Variants in BCAS1 observed in about 807,000 individuals in gnomAD.
BCAS1 encodes the protein breast carcinoma-amplified sequence 1.
Under a neutral mutation model 65.4 loss-of-function variants are expected in BCAS1, and 46 were observed. The ratio of observed to expected loss-of-function variants is 0.70; its 90% confidence interval spans 0.55 to 0.90. The LOEUF is 0.90. Ranked by LOEUF, BCAS1 falls within the 40% of genes least tolerant of loss-of-function variation. The pLI is 0.00. For missense variants in BCAS1, 793 were observed against 771.2 expected (o/e 1.03, Z -0.33); for synonymous variants, 298 against 293.5 (o/e 1.02, Z -0.16).
At chr20:53,951,300 C>T (rs759487439) in intron 12 of BCAS1, among the ~76,000 whole-genome samples, 74 of 152,050 alleles carry the variant, frequency 4.9e-4, no homozygotes, top group African/African-American at 1.6e-3. Flanking sequence ...TGGAGAAACC[C>T]GTCTCTACTA....
At chr20:53,998,919 T>C (rs144543316) in intron 4 of BCAS1, among the ~76,000 whole-genome samples, 12 of 152,318 alleles carry the variant, frequency 7.9e-5, no homozygotes, top group African/African-American at 2.6e-4. Context: ...AATATTACAA[T>C]TAACAGTTTC....
At chr20:53,982,613 G>A (rs1276149871) in intron 8 of BCAS1, among the ~76,000 whole-genome samples, 1 of 152,130 alleles carries the variant, frequency 6.6e-6, no homozygotes, top group African/African-American at 2.4e-5. Context: ...ATAAGAAAAT[G>A]TAAGAATTTC....
chr20:54,044,424 C>T (rs936857525), intron 3 of BCAS1, among the ~76,000 whole-genome samples: 1 of 152,208 alleles, frequency 6.6e-6, no homozygotes, highest in Non-Finnish European at 1.5e-5. Context: ...CAGTTAAAAT[C>T]AGACTGTATG....
At chr20:53,962,068 G>A (rs1205696476) in intron 10 of BCAS1, among the ~76,000 whole-genome samples, 1 of 152,226 alleles carries the variant, frequency 6.6e-6, no homozygotes, top group Non-Finnish European at 1.5e-5. Flanking sequence ...CATTGGTAGG[G>A]ACAGGAATTG....
chr20:54,005,684 C>T (rs1431078995), intron 4 of BCAS1, among the ~76,000 whole-genome samples: 1 of 152,098 alleles, frequency 6.6e-6, no homozygotes, highest in East Asian at 1.9e-4. Context: ...TTCCAGTGTG[C>T]ACCAAGGTCA....
chr20:53,992,745 T>A, intron 6 of BCAS1, 99 bp from the exon 7 acceptor site: 1 of 1,159,978 alleles, frequency 8.6e-7, no homozygotes, highest in Non-Finnish European at 1.2e-6. Context: ...CTGTGACAAT[T>A]AACTGTTGGT....
At chr20:54,036,386 T>G (rs1176977418) in intron 3 of BCAS1, among the ~76,000 whole-genome samples, 1 of 151,382 alleles carries the variant, frequency 6.6e-6, no homozygotes, top group Non-Finnish European at 1.5e-5. Flanking sequence ...ATTTTGATTT[T>G]CTTAGTGCAG....
At chr20:54,007,356 T>C (rs1186973169) in intron 4 of BCAS1, among the ~76,000 whole-genome samples, 5 of 152,228 alleles carry the variant, frequency 3.3e-5, no homozygotes, top group Admixed American at 3.3e-4. Context: ...GTGGACCCTA[T>C]GGATCTAGGT....
chr20:54,067,993 A>G lies in BCAS1; in HGVS notation c.-6+2440T>C, dbSNP rs290443. Among the ~76,000 whole-genome samples, 623 of 152,288 alleles carry G rather than the reference A, an allele frequency of 4.1e-3. 3 individuals carry two copies. Among genetic ancestry groups the G allele is most frequent in the African/African-American group, 0.014 (597 of 41,562 alleles). On this transcript the variant is annotated intron_variant, in intron 1 of 12. Coordinates refer to ENST00000688948, the MANE Select transcript of BCAS1 (RefSeq NM_001366298.2). ...AGAACAACCCCGCTTTGCCTGCCCC[A>G]CAGTCCTGCAGCTCCATGTGTGTGC...
chr20:53,945,248 T>C (rs2089274753), intron 12 of BCAS1, among the ~76,000 whole-genome samples: 1 of 152,174 alleles, frequency 6.6e-6, no homozygotes, highest in Admixed American at 6.5e-5. Flanking sequence ...TCTTTATCTT[T>C]AAAATGGAAA....
chr20:53,974,961 C>T (rs2090287150), intron 9 of BCAS1, among the ~76,000 whole-genome samples: 1 of 152,164 alleles, frequency 6.6e-6, no homozygotes. Context: ...GCAAGATGTT[C>T]TCATGCCTGA....
chr20:54,040,150 C>T (rs2091965106), intron 3 of BCAS1, among the ~76,000 whole-genome samples: 1 of 151,414 alleles, frequency 6.6e-6, no homozygotes, highest in Non-Finnish European at 1.5e-5. Flanking sequence ...GTTCAAAAAT[C>T]CTAAACTGGT....
At chr20:54,061,484 G>A (rs542888354) in intron 1 of BCAS1, among the ~76,000 whole-genome samples, 1 of 152,222 alleles carries the variant, frequency 6.6e-6, no homozygotes, top group South Asian at 2.1e-4. Flanking sequence ...AGTGGCTCTC[G>A]GAATAAAAAT....
Position 53,957,952 on chromosome 20 carries a change from A to G in BCAS1, c.1486-455T>C, listed in dbSNP as rs567586975. 9.3e-5 allele frequency among the ~76,000 whole-genome samples: 14 copies of G among 150,458 alleles called. No homozygotes were observed. The East Asian group carries it at 2.5e-3, about 27-fold the overall frequency. On this transcript the variant is annotated intron_variant, in intron 10 of 12. Coordinates refer to ENST00000688948, the MANE Select transcript of BCAS1 (RefSeq NM_001366298.2). ...AATATTTCATTTTCCACCCTTTAGC[A>G]CCCCCTATAGCCAGCAACACCAGTG...
chr20:54,027,806 A>C (rs978245972), intron 4 of BCAS1, among the ~76,000 whole-genome samples: 5 of 151,710 alleles, frequency 3.3e-5, no homozygotes, highest in Non-Finnish European at 7.4e-5. Flanking sequence ...CAAAAAACAA[A>C]AAAAAAACCC....
At chr20:54,001,625 T>C (rs767922383) in intron 4 of BCAS1, among the ~76,000 whole-genome samples, 5 of 152,172 alleles carry the variant, frequency 3.3e-5, no homozygotes, top group Non-Finnish European at 7.3e-5. Context: ...TCTGATGTCC[T>C]ATGATTCTGC....
chr20:53,970,564 T>C (rs901653403), intron 9 of BCAS1, among the ~76,000 whole-genome samples: 3 of 152,244 alleles, frequency 2.0e-5, no homozygotes, highest in Non-Finnish European at 2.9e-5. Context: ...TGAATGGACA[T>C]AATTAAAGTC....
intron 8 of BCAS1, among the ~76,000 whole-genome samples, chr20:53,983,918 C>T (rs1332287003): frequency 6.6e-6 from 1 of 152,124 alleles, no homozygotes; most frequent in Non-Finnish European, 1.5e-5. Flanking sequence ...TGTCTTCCTC[C>T]AATAAATCTC....
rs200309771 is a variant in BCAS1, at chr20:54,028,348, G to A, written c.723+44C>T. 2.4e-5 allele frequency: 39 copies of A among 1,603,246 alleles called. No homozygotes were observed. In the East Asian group the frequency reaches 2.7e-4, roughly 11 times the overall value. ...GTGGTCTTATCCCATTAGCGCCCCC[G>A]AGCATGCATTCAGAACCAAGTGGAT... On this transcript the variant is annotated intron_variant, in intron 4 of 12. Coordinates refer to ENST00000688948, the MANE Select transcript of BCAS1 (RefSeq NM_001366298.2).
Sources: allele counts gnomAD v4.1 joint callset (sites outside exome capture counted in the v4.1 genomes callset), GRCh38; gene constraint gnomAD v4.1.1; transcripts MANE v1.5; gene names NCBI Gene and HGNC (gene_info 2026-07-23, HGNC 2026-07-21).